ZFP28: variants seen among roughly 807,000 people sequenced by gnomAD.
ZFP28 encodes ZFP28 zinc finger protein, also known as zinc finger protein 28 homolog.
A neutral mutation model predicts 39.5 loss-of-function variants in ZFP28; 31 were observed. The ratio of observed to expected loss-of-function variants is 0.79; its 90% CI spans 0.59 to 1.06. The LOEUF (loss-of-function observed/expected upper bound fraction) is 1.06, where lower values mean the gene tolerates loss of function less well. Among genes scored for constraint, ZFP28 ranks in the 50% least tolerant of loss-of-function variants. The probability of loss-of-function intolerance (pLI) is 0.00; values close to 1 mark genes in which losing one functional copy is unlikely to be tolerated. For synonymous variants in ZFP28, 400 were observed against 378.6 expected (o/e 1.06, Z -0.66); for missense variants, 925 against 1,048.4 (o/e 0.88, Z 1.63).
At chr19:56,545,949 T>A (rs2044237846) in intron 2 of ZFP28, 1 of 152,088 alleles carries the variant, frequency 6.6e-6, no homozygotes, top group African/African-American at 2.4e-5. Context: ...AATATATAGG[T>A]CAAGGGTGAC....
In ZFP28 at chr19:56,539,690, GGAATT is replaced by G; in HGVS notation, c.278_282del (p.Ile93ThrfsTer2). The G allele has an allele frequency of 1.2e-6, 2 of 1,614,160 alleles. No homozygotes were observed. The highest frequency in any genetic ancestry group is 1.7e-6 in the Non-Finnish European group (2 of 1,180,030). ...CAAGAAGCTGGAGGCTGTGGGGACA[GGAATT>G]GAACCTAAAGCCATGTCCCAGGTGA... On this transcript the variant is annotated frameshift_variant, in exon 2 of 8. Transcript: ENST00000301318. LOFTEE classifies it high-confidence loss of function.
rs1486433675 is a variant in ZFP28 at position 56,547,904 on chromosome 19, T to C, written c.523+2T>C. On this transcript the variant is annotated splice_donor_variant, in intron 4 of 7. Transcript: ENST00000301318. LOFTEE classifies it high-confidence loss of function. This position sits in a 1 kb window ranked among gnomAD's most constrained non-coding sequence, Gnocchi z 4.6. The stretch of plus-strand genomic sequence containing the variant: ...AGATGACAAGAGCCTGGTGCCCAGG[T>C]GAGTGTGGGAGAACCAGGTAGGGTG... The C allele has an allele frequency of 6.2e-7, 1 of 1,613,876 alleles. No homozygotes were observed. Among genetic ancestry groups the C allele is most frequent in the Non-Finnish European group, 8.5e-7 (1 of 1,179,962 alleles).
chr19:56,540,912 G>C (rs2044189920), intron 2 of ZFP28, among the ~76,000 whole-genome samples: 1 of 104,234 alleles, frequency 9.6e-6, no homozygotes, highest in Non-Finnish European at 1.9e-5. Context: ...TTTTGCCACA[G>C]TTCTTACCTC....
chr19:56,547,789 T>C lies in ZFP28; in HGVS notation c.428-18T>C. 1 of 1,613,942 alleles carries C rather than the reference T, an allele frequency of 6.2e-7. No homozygotes were observed. The highest frequency in any genetic ancestry group is 8.5e-7 in the Non-Finnish European group (1 of 1,179,874). ...GGACAGCCACACAGTATGACCAGGT[T>C]GTTTTTTATGTGTCTAGGACTTTGT... On this transcript the variant is annotated intron_variant, in intron 3 of 7. Transcript: ENST00000301318. The surrounding 1 kb of genome is among the most constrained non-coding windows in gnomAD (Gnocchi z 4.6).
Position 56,554,538 on chromosome 19 carries a change from G to A in ZFP28, c.1753G>A (p.Gly585Arg). 4 of 1,614,152 alleles carry A rather than the reference G, an allele frequency of 2.5e-6. No individual in the cohort carries two copies. The highest frequency in any genetic ancestry group is 3.4e-6 in the Non-Finnish European group (4 of 1,180,016). ...CACTCAACATCAAAGAGTACATTCT[G>A]GAGAAAAGCCTTTTAAGTGTAAAGA... ...SLTQHQRVHS[G>R]EKPFKCKECG... Residue 585 changes from glycine (G) to arginine (R), a missense_variant, in exon 8 of 8, where the codon GGA (glycine) becomes AGA (arginine). By Grantham distance (125) the Gly-to-Arg change is moderately radical. This residue lies in a region of ZFP28 where 369 missense variants were observed against 505.5 expected (regional missense o/e 0.73). Coordinates refer to ENST00000301318, the MANE Select transcript of ZFP28 (RefSeq NM_020828.2). The surrounding 1 kb of genome is among the most constrained non-coding windows in gnomAD (Gnocchi z 6.7).
At position 56,555,712 on chromosome 19, in the gene ZFP28, A is replaced by G. The variant is rs565049059; in HGVS notation, c.*320A>G. On this transcript the variant is annotated 3_prime_UTR_variant, in exon 8 of 8. Transcript: ENST00000301318. ...GAGGGTAGGAAAAAGCACATTTTCT[A>G]TCAGGAACAGAATTCTCCAGTAGTG... 7.3e-5 allele frequency: 18 copies of G among 246,502 alleles called. No homozygotes were observed. The highest frequency in any genetic ancestry group is 7.1e-4 in the Admixed American group (14 of 19,600). 15.3% of individuals were successfully genotyped at this position (246,502 alleles called of 1,614,324 possible). A position where few individuals can be genotyped will look rare whatever the true frequency, so the allele number is the denominator to read the frequency against.
In ZFP28 at chr19:56,554,857, A is replaced by C; in HGVS notation, c.2072A>C (p.His691Pro). ...AGCCAGACCACACACCTCATTCAAC[A>C]TCAGAGAGTTCACACTGGTGAGAAA... ...AFSQTTHLIQHQRVHTGEKPY... is the reference protein window; with the variant it reads ...AFSQTTHLIQPQRVHTGEKPY... The change falls in exon 8 of 8, where the codon CAT (histidine) becomes CCT (proline). Residue 691 changes from histidine to proline, a missense_variant. Transcript: ENST00000301318. The surrounding 1 kb of genome is among the most constrained non-coding windows in gnomAD (Gnocchi z 6.7). 8 of 1,614,188 alleles carry C rather than the reference A, an allele frequency of 5.0e-6. No homozygotes were observed. The highest frequency in any genetic ancestry group is 6.8e-6 in the Non-Finnish European group (8 of 1,180,018).
rs2044255331 is a variant in ZFP28 at position 56,547,699 on chromosome 19, A to T, written c.427+65A>T. The T allele has an allele frequency of 1.3e-6, 2 of 1,585,094 alleles. No homozygotes were observed. Among genetic ancestry groups the T allele is most frequent in the Non-Finnish European group, 1.7e-6 (2 of 1,164,688 alleles). ...CACGTCCTGGACTAAGAAGCCTTTC[A>T]TGCCTTTATCACCCAGACCTGCACT... On this transcript the variant is annotated intron_variant, in intron 3 of 7. Transcript: ENST00000301318. This position sits in a 1 kb window ranked among gnomAD's most constrained non-coding sequence, Gnocchi z 4.6.
In ZFP28 at chr19:56,550,075, G is replaced by A; in HGVS notation, c.696G>A (p.Val232=). The A allele has an allele frequency of 6.2e-7, 1 of 1,610,758 alleles. No homozygotes were observed. The highest frequency in any genetic ancestry group is 1.7e-5 in the Admixed American group (1 of 59,608). Residue 232 remains valine (V), a synonymous_variant, in exon 6 of 8, where the codon GTG becomes GTA. Transcript: ENST00000301318. The part of the protein sequence containing the change: ...DALFETQPGL[V]TIKNLAVDFR... ...TGCTTTTACCATTGCAGGGCTTGGTGACTATCAAAAACCTGGCTGTTGACT... is the reference window on the plus strand; with the variant it reads ...TGCTTTTACCATTGCAGGGCTTGGTAACTATCAAAAACCTGGCTGTTGACT...
intron 2 of ZFP28, chr19:56,546,440 C>T (rs2147953536): frequency 6.6e-6 from 1 of 152,164 alleles, no homozygotes; most frequent in East Asian, 1.9e-4. Flanking sequence ...CCCATCTTGC[C>T]AGTTGGTCAA....
chr19:56,549,271 G>A (rs2044272060), intron 5 of ZFP28, 150 bp downstream of exon 5: 9 of 891,802 alleles, frequency 1.0e-5, no homozygotes, highest in Non-Finnish European at 1.5e-5. Context: ...TCAGAACAGA[G>A]AGTGCCTAAT....
chr19:56,539,099 G>T lies in ZFP28; in HGVS notation c.81G>T (p.Ala27=), dbSNP rs2044168096. ...GCGCCCCCCGCACAAAGCCCCGGGC[G>T]GGCCGAGGCCCGACTGTAGGGACTC... The part of the protein sequence containing the change: ...GRGAPRTKPR[A]GRGPTVGTPA... The change falls in exon 1 of 8, where the codon GCG becomes GCT. Residue 27 remains alanine (A), a synonymous_variant. Transcript: ENST00000301318. 1.3e-6 allele frequency: 2 copies of T among 1,548,430 alleles called. No individual in the cohort carries two copies. The highest frequency in any genetic ancestry group is 2.7e-5 in the African/African-American group (2 of 73,246).
Position 56,554,414 on chromosome 19 carries a change from G to A in ZFP28, c.1629G>A (p.Arg543=). Residue 543 remains arginine (R), a synonymous_variant, in exon 8 of 8, where the codon AGG becomes AGA. Transcript: ENST00000301318. This position sits in a 1 kb window ranked among gnomAD's most constrained non-coding sequence, Gnocchi z 6.7. Reference sequence around the variant, plus strand: ...GTGATGTATGTCACAAATCCTTCAGGTATGGTTCCTCCCTTACTGTACATC... The same window carrying A: ...GTGATGTATGTCACAAATCCTTCAGATATGGTTCCTCCCTTACTGTACATC... ...YKCDVCHKSF[R]YGSSLTVHQR... is the part of the protein sequence containing the mutation. 1 of 1,614,020 alleles carries A rather than the reference G, an allele frequency of 6.2e-7. No individual in the cohort carries two copies. Among genetic ancestry groups the A allele is most frequent in the South Asian group, 1.1e-5 (1 of 91,080 alleles).
Position 56,554,444 on chromosome 19 carries a change from G to A in ZFP28, c.1659G>A (p.Arg553=), listed in dbSNP as rs79316066. ...GTTCCTCCCTTACTGTACATCAAAG[G>A]ATTCATACCGGAGAAAAACCATATG... is the stretch of plus-strand genomic sequence containing the variant. ...RYGSSLTVHQ[R]IHTGEKPYEC... The change falls in exon 8 of 8, where the codon AGG becomes AGA. Residue 553 remains arginine, a synonymous_variant. Transcript: ENST00000301318. This position sits in a 1 kb window ranked among gnomAD's most constrained non-coding sequence, Gnocchi z 6.7. 3,848 of 1,614,098 alleles carry A rather than the reference G, an allele frequency of 2.4e-3. 81 individuals are homozygous for A. The African/African-American group carries it at 0.043, about 18-fold the overall frequency.
chr19:56,549,424 T>C (rs148703787), intron 5 of ZFP28, among the ~76,000 whole-genome samples: 1,656 of 152,268 alleles, frequency 0.011, 32 homozygotes, highest in African/African-American at 0.038. Context: ...ACGCCTGTAA[T>C]CCCAGCACTT....
chr19:56,554,705 T>G lies in ZFP28; in HGVS notation c.1920T>G (p.Thr640=). ...SQLATHQRIH[T]GEKPYECKVC... ...TTGCCACTCATCAGAGAATCCATAC[T>G]GGAGAGAAGCCCTATGAATGTAAGG... Residue 640 remains threonine, a synonymous_variant, in exon 8 of 8, where the codon ACT becomes ACG. Coordinates refer to ENST00000301318, the MANE Select transcript of ZFP28 (RefSeq NM_020828.2). The surrounding 1 kb of genome is among the most constrained non-coding windows in gnomAD (Gnocchi z 6.7). The G allele has an allele frequency of 6.2e-7, 1 of 1,614,192 alleles. No individual in the cohort carries two copies. The highest frequency in any genetic ancestry group is 1.3e-5 in the African/African-American group (1 of 75,058).
intron 5 of ZFP28, 43 bp from the exon 6 acceptor site, chr19:56,550,024 A>G (rs1466294974): frequency 2.3e-5 from 36 of 1,534,966 alleles, no homozygotes; most frequent in Non-Finnish European, 3.1e-5. Flanking sequence ...AGGTGAGTTC[A>G]CGAACATGGT....
intron 2 of ZFP28, among the ~76,000 whole-genome samples, chr19:56,541,597 C>A (rs2044195683): frequency 6.6e-6 from 1 of 152,166 alleles, no homozygotes; most frequent in South Asian, 2.1e-4. Flanking sequence ...GACCTGGCTC[C>A]TTGTTACCCC....
intron 1 of ZFP28, 127 bp downstream of exon 1, chr19:56,539,353 T>C (rs1213490965): frequency 9.8e-7 from 1 of 1,024,072 alleles, no homozygotes; most frequent in Non-Finnish European, 1.4e-6. Context: ...TTGAAGCTGG[T>C]GGAGTGGGAG....
Sources: gnomAD v4.1 joint callset for allele counts (sites outside exome capture counted in the v4.1 genomes callset) on GRCh38, gnomAD v4.1.1 for gene constraint, gnomAD v4.1.1 regional missense constraint, Gnocchi (gnomAD v3.1) non-coding constraint, MANE v1.5 for transcripts, NCBI Gene and HGNC (gene_info 2026-07-23, HGNC 2026-07-21) for gene names.